TNPO3: variants seen among roughly 807,000 people sequenced by gnomAD.
TNPO3 encodes the protein transportin-3.
In TNPO3, 65 loss-of-function variants were observed where a neutral mutation model predicts 122.8. The ratio of observed to expected loss-of-function variants is 0.53; its 90% CI spans 0.43 to 0.65. The LOEUF is 0.65. TNPO3 is among the 30% of genes least tolerant of loss of function. TNPO3 has a pLI of 0.00. For synonymous variants in TNPO3, 372 were observed against 411.2 expected (o/e 0.90, Z 1.15); for missense variants, 850 against 1,136.7 (o/e 0.75, Z 3.63).
intron 7 of TNPO3, among the ~76,000 whole-genome samples, 194 bp downstream of exon 7, chr7:129,000,235 A>T (rs1378306109): frequency 6.6e-6 from 1 of 152,230 alleles, no homozygotes; most frequent in Non-Finnish European, 1.5e-5. Flanking sequence ...ACCAGGTAAG[A>T]AAACAGAAAT....
At chr7:129,013,843 T>C (rs1368263986) in intron 4 of TNPO3, among the ~76,000 whole-genome samples, 2 of 152,130 alleles carry the variant, frequency 1.3e-5, no homozygotes, top group African/African-American at 4.8e-5. Flanking sequence ...TGTTAGACAT[T>C]ATGTTAAGTG....
At chr7:129,012,720 G>C (rs1043218686) in intron 4 of TNPO3, among the ~76,000 whole-genome samples, 3 of 151,966 alleles carry the variant, frequency 2.0e-5, no homozygotes, top group African/African-American at 7.3e-5. Context: ...AATGAGATAT[G>C]GGCTAATCAA....
At chr7:129,030,371 T>C (rs1263974626) in intron 1 of TNPO3, 4 of 195,150 alleles carry the variant, frequency 2.0e-5, no homozygotes, top group Non-Finnish European at 3.1e-5. Context: ...ACAATCTACA[T>C]GTGATGTCAG....
chr7:129,016,929 T>C lies in TNPO3; in HGVS notation c.395+54A>G, dbSNP rs1554441486. 4 of 1,510,304 alleles carry C rather than the reference T, an allele frequency of 2.6e-6. No homozygotes were observed. In the South Asian group the frequency reaches 4.5e-5, roughly 17 times the overall value. The allele number at this position is 1,510,304 out of a possible 1,614,324, so 93.6% of individuals were successfully genotyped here. A position where few individuals can be genotyped will look rare whatever the true frequency, so the allele number is the denominator to read the frequency against. ...TAGCTATTGCTAACAAATTTCTCTG[T>C]GTAGGTTAATGGCAATTCCAAATGC... On this transcript the variant is annotated intron_variant, in intron 3 of 22. Coordinates refer to ENST00000265388, the MANE Select transcript of TNPO3 (RefSeq NM_012470.4).
chr7:128,978,442 C>T (rs1799297263), intron 16 of TNPO3, among the ~76,000 whole-genome samples: 2 of 152,166 alleles, frequency 1.3e-5, no homozygotes. Flanking sequence ...TATATAAGTA[C>T]TGAGCCCAAG....
chr7:129,036,810 A>C (rs1392346044), intron 1 of TNPO3, among the ~76,000 whole-genome samples: 2 of 152,176 alleles, frequency 1.3e-5, no homozygotes, highest in East Asian at 3.8e-4. Context: ...ATTAAAAGGA[A>C]ATTCTGGAAG....
chr7:129,035,353 A>T (rs1332448398), intron 1 of TNPO3, among the ~76,000 whole-genome samples: 2 of 152,238 alleles, frequency 1.3e-5, no homozygotes, highest in Non-Finnish European at 2.9e-5. Flanking sequence ...CTATAATCCT[A>T]GCACTTTGGG....
intron 8 of TNPO3, 76 bp downstream of exon 8, chr7:128,997,313 C>CTGA: frequency 6.5e-7 from 1 of 1,540,538 alleles, no homozygotes; most frequent in East Asian, 2.3e-5. Context: ...TATTATCTAT[C>CTGA]TTCTCAGTTC....
intron 1 of TNPO3, among the ~76,000 whole-genome samples, chr7:129,038,796 A>G (rs1265559822): frequency 6.6e-6 from 1 of 152,198 alleles, no homozygotes; most frequent in Non-Finnish European, 1.5e-5. Flanking sequence ...ACACATGAAC[A>G]CAAAGAAGAC....
chr7:129,040,294 T>C (rs931500638), intron 1 of TNPO3, among the ~76,000 whole-genome samples: 2 of 150,194 alleles, frequency 1.3e-5, no homozygotes, highest in Admixed American at 6.6e-5. Flanking sequence ...ACTTGATGGA[T>C]AAAGAAATCT....
chr7:129,035,026 G>A (rs1040485884), intron 1 of TNPO3, among the ~76,000 whole-genome samples: 4 of 151,912 alleles, frequency 2.6e-5, no homozygotes, highest in Admixed American at 6.6e-5. Context: ...TGTAATCCCA[G>A]CACTTTGGGA....
At chr7:129,032,563 T>C (rs73463092) in intron 1 of TNPO3, among the ~76,000 whole-genome samples, 29 of 152,268 alleles carry the variant, frequency 1.9e-4, no homozygotes, top group African/African-American at 7.0e-4. Context: ...TGCTTCTACA[T>C]ACTAACAATG....
intron 20 of TNPO3, among the ~76,000 whole-genome samples, chr7:128,969,158 A>C (rs77327237): frequency 0.018 from 2,718 of 152,342 alleles, 39 homozygotes; most frequent in Middle Eastern, 0.037. Flanking sequence ...TCATAAAGTT[A>C]GATTTACATA....
intron 2 of TNPO3, 46 bp from the exon 3 acceptor site, chr7:129,017,102 G>C (rs367889388): frequency 1.7e-5 from 26 of 1,512,176 alleles, no homozygotes; most frequent in Middle Eastern, 3.4e-4. Flanking sequence ...AACAGAAATA[G>C]GGTCACAATA....
At chr7:128,962,819 T>TG (rs1411791578) in intron 21 of TNPO3, among the ~76,000 whole-genome samples, 4 of 151,912 alleles carry the variant, frequency 2.6e-5, no homozygotes, top group African/African-American at 4.8e-5. Context: ...ACAGGTTTTT[T>TG]TTTTCCCCCA....
intron 21 of TNPO3, among the ~76,000 whole-genome samples, chr7:128,958,947 T>G (rs999384831): frequency 6.6e-6 from 1 of 152,146 alleles, no homozygotes; most frequent in African/African-American, 2.4e-5. Context: ...GAGGTTGCAG[T>G]GAGCCATGAT....
rs545885595 is a variant in TNPO3 at position 129,010,890 on chromosome 7, G to T, written c.552+4089C>A. 1.6e-4 allele frequency among the ~76,000 whole-genome samples: 24 copies of T among 151,860 alleles called. 3 individuals are homozygous for T. The South Asian group carries it at 4.8e-3, about 30-fold the overall frequency. On this transcript the variant is annotated intron_variant, in intron 4 of 22. Transcript: ENST00000265388. ...GGAGGCCAAGGAGAGAGGATCACTT[G>T]AGACCAGGTTTGAGACCATAGAGAA...
At chr7:129,002,646 T>C (rs773941156) in intron 5 of TNPO3, among the ~76,000 whole-genome samples, 8 of 152,166 alleles carry the variant, frequency 5.3e-5, no homozygotes, top group East Asian at 3.8e-4. Context: ...GAGCTGGGCA[T>C]GGTGGCTCAC....
chr7:128,998,660 T>A (rs531745287), intron 7 of TNPO3, among the ~76,000 whole-genome samples: 1 of 151,680 alleles, frequency 6.6e-6, no homozygotes, highest in Admixed American at 6.6e-5. Flanking sequence ...GTAGCTGGGA[T>A]GAAAGGTGTG....
Sources: gnomAD v4.1 joint callset for allele counts (sites outside exome capture counted in the v4.1 genomes callset) on GRCh38, gnomAD v4.1.1 for gene constraint, MANE v1.5 for transcripts, NCBI Gene and HGNC (gene_info 2026-07-23, HGNC 2026-07-21) for gene names.